The following MDGA2 variants were observed in gnomAD, a reference collection of about 807,000 sequenced individuals.
MDGA2 encodes MAM domain containing glycosylphosphatidylinositol anchor 2.
A neutral mutation model predicts 117.8 loss-of-function variants in MDGA2; 40 were observed. The observed-to-expected ratio is 0.34, with a 90% confidence interval of 0.26 to 0.44. The LOEUF (loss-of-function observed/expected upper bound fraction) is 0.44. Ranked by LOEUF, MDGA2 falls within the 20% of genes least tolerant of loss-of-function variation. MDGA2 has a pLI of 1.00. For synonymous variants in MDGA2, 452 were observed against 439.0 expected, an observed-to-expected ratio of 1.03 and a Z score of -0.37; for missense variants, 1,123 against 1,250.6, an observed-to-expected ratio of 0.90 and a Z score of 1.54.
At chr14:47,585,501 C>T (rs1896307302) in intron 1 of MDGA2, among the ~76,000 whole-genome samples, 1 of 151,790 alleles carries the variant, frequency 6.6e-6, no homozygotes, top group Admixed American at 6.6e-5. Flanking sequence ...AATGAGAATA[C>T]AAACACAGGG....
At chr14:46,990,983 G>A (rs527408133) in intron 8 of MDGA2, among the ~76,000 whole-genome samples, 6 of 151,904 alleles carry the variant, frequency 3.9e-5, no homozygotes, top group Non-Finnish European at 8.8e-5. Flanking sequence ...TACAGTGCAA[G>A]TATCAGAACA....
At chr14:47,270,439 G>A (rs1420556117) in intron 2 of MDGA2, among the ~76,000 whole-genome samples, 3 of 152,120 alleles carry the variant, frequency 2.0e-5, no homozygotes, top group East Asian at 1.9e-4. Flanking sequence ...GTAAGAACTC[G>A]GAGAGAAAGT....
At chr14:47,249,316 CTCTT>C (rs1157092932) in intron 2 of MDGA2, among the ~76,000 whole-genome samples, 4 of 151,910 alleles carry the variant, frequency 2.6e-5, no homozygotes, top group African/African-American at 9.6e-5. Flanking sequence ...CACGCCCGGC[CTCTT>C]TCTTTCTTTC....
intron 14 of MDGA2, among the ~76,000 whole-genome samples, chr14:46,862,178 G>T (rs1336168697): frequency 6.6e-6 from 1 of 151,752 alleles, no homozygotes; most frequent in Non-Finnish European, 1.5e-5. Flanking sequence ...CAGAAGCTAA[G>T]CAAAACTCAA....
chr14:46,942,971 A>G (rs1394856145), intron 9 of MDGA2, among the ~76,000 whole-genome samples: 1 of 152,100 alleles, frequency 6.6e-6, no homozygotes, highest in Non-Finnish European at 1.5e-5. Flanking sequence ...TCCATATTCT[A>G]TCAATCACGA....
chr14:47,162,155 C>A (rs1458726358), intron 3 of MDGA2, among the ~76,000 whole-genome samples: 1 of 151,892 alleles, frequency 6.6e-6, no homozygotes, highest in African/African-American at 2.4e-5. Flanking sequence ...CCGTGTTAGC[C>A]AGGCTGGTCT....
At chr14:47,239,023 A>AT (rs1886954868) in intron 2 of MDGA2, among the ~76,000 whole-genome samples, 1 of 151,600 alleles carries the variant, frequency 6.6e-6, no homozygotes, top group Non-Finnish European at 1.5e-5. Flanking sequence ...CAAAAACTCC[A>AT]TTACTGGTGT....
chr14:47,151,635 G>A (rs1298600037), intron 3 of MDGA2, among the ~76,000 whole-genome samples: 2 of 151,760 alleles, frequency 1.3e-5, no homozygotes, highest in Non-Finnish European at 2.9e-5. Flanking sequence ...AGCTAAATGT[G>A]TGAAATTCAA....
At chr14:47,195,504 A>C (rs947599326) in intron 3 of MDGA2, among the ~76,000 whole-genome samples, 2 of 152,076 alleles carry the variant, frequency 1.3e-5, no homozygotes, top group African/African-American at 4.8e-5. Flanking sequence ...ATAAATAATT[A>C]ATATAGGCTT....
intron 7 of MDGA2, among the ~76,000 whole-genome samples, chr14:47,055,597 C>G (rs1889646190): frequency 6.6e-6 from 1 of 152,094 alleles, no homozygotes; most frequent in Non-Finnish European, 1.5e-5. Context: ...GTAACGGTTA[C>G]ATGTGAGTTT....
At chr14:47,412,136 A>G (rs1302071155) in intron 1 of MDGA2, among the ~76,000 whole-genome samples, 1 of 152,178 alleles carries the variant, frequency 6.6e-6, no homozygotes, top group Non-Finnish European at 1.5e-5. Context: ...CCTGATATAA[A>G]ATGTCTGTCG....
chr14:47,571,101 A>T (rs1896010162), intron 1 of MDGA2, among the ~76,000 whole-genome samples: 1 of 152,164 alleles, frequency 6.6e-6, no homozygotes, highest in Non-Finnish European at 1.5e-5. Context: ...TGAAGGATAT[A>T]AACAGGCACT....
At chr14:47,245,999 T>C (rs1376238264) in intron 2 of MDGA2, among the ~76,000 whole-genome samples, 1 of 151,824 alleles carries the variant, frequency 6.6e-6, no homozygotes, top group Non-Finnish European at 1.5e-5. Flanking sequence ...CAAAGTCACA[T>C]AGAGCTAATG....
chr14:47,614,275 A>G (rs1896909820), intron 1 of MDGA2, among the ~76,000 whole-genome samples: 1 of 151,900 alleles, frequency 6.6e-6, no homozygotes, highest in African/African-American at 2.4e-5. Context: ...TTTTTTGAAG[A>G]GACAGGGTTT....
intron 4 of MDGA2, among the ~76,000 whole-genome samples, chr14:47,141,368 A>T (rs941741864): frequency 1.3e-5 from 2 of 152,240 alleles, no homozygotes; most frequent in Admixed American, 1.3e-4. Flanking sequence ...GACTATTCAC[A>T]ATAGACAAAA....
chr14:47,205,308 C>T (rs6572412), intron 3 of MDGA2, among the ~76,000 whole-genome samples: 36,470 of 151,720 alleles, frequency 0.24, 5,199 homozygotes, highest in African/African-American at 0.37. Flanking sequence ...GCTTCTGTAA[C>T]ATCTCTTCCT....
At chr14:47,280,957 T>C (rs1459695436) in intron 2 of MDGA2, among the ~76,000 whole-genome samples, 2 of 147,744 alleles carry the variant, frequency 1.4e-5, no homozygotes, top group African/African-American at 4.9e-5. Context: ...ATATAATATA[T>C]AAGGTATATA....
intron 14 of MDGA2, among the ~76,000 whole-genome samples, chr14:46,865,926 T>C (rs934926616): frequency 6.6e-6 from 1 of 151,444 alleles, no homozygotes; most frequent in Non-Finnish European, 1.5e-5. Flanking sequence ...TCCATGCTCA[T>C]GGGTAGGAAG....
intron 5 of MDGA2, among the ~76,000 whole-genome samples, chr14:47,097,871 T>C (rs2138981909): frequency 6.6e-6 from 1 of 152,096 alleles, no homozygotes; most frequent in East Asian, 1.9e-4. Context: ...TGTAATCTTT[T>C]AGGTTAAAAA....
Sources: allele counts gnomAD v4.1 joint callset (sites outside exome capture counted in the v4.1 genomes callset), GRCh38; gene constraint gnomAD v4.1.1; transcripts MANE v1.5; gene names NCBI Gene and HGNC (gene_info 2026-07-23, HGNC 2026-07-21).